The following WIF1 variants were observed in gnomAD, a reference collection of about 807,000 sequenced individuals.
WIF1 encodes the protein Wnt inhibitory factor 1.
In WIF1, 35 loss-of-function variants were observed where a neutral mutation model predicts 53.5. That is an observed-to-expected ratio of 0.65 (90% CI 0.50 to 0.87). The LOEUF (loss-of-function observed/expected upper bound fraction) is 0.87, where lower values mean the gene tolerates loss of function less well. Ranked by LOEUF, WIF1 falls within the 40% of genes least tolerant of loss-of-function variation. WIF1 has a pLI of 0.00. For synonymous variants in WIF1, 171 were observed against 170.4 expected, an observed-to-expected ratio of 1.00 and a Z score of -0.03; for missense variants, 467 against 476.8, an observed-to-expected ratio of 0.98 and a Z score of 0.19.
chr12:65,078,001 A>G, intron 2 of WIF1, 147 bp from the exon 3 acceptor site: 1 of 634,616 alleles, frequency 1.6e-6, no homozygotes. Context: ...GGGTAGGCAC[A>G]ACTCACCCTT....
chr12:65,089,867 G>T (rs1883097542), intron 2 of WIF1, among the ~76,000 whole-genome samples: 1 of 151,732 alleles, frequency 6.6e-6, no homozygotes, highest in Non-Finnish European at 1.5e-5. Flanking sequence ...CTTCCCCCTG[G>T]CCCCTACCCC....
intron 2 of WIF1, among the ~76,000 whole-genome samples, chr12:65,101,090 T>C (rs1202093743): frequency 1.3e-5 from 2 of 152,024 alleles, no homozygotes; most frequent in East Asian, 1.9e-4. Context: ...TAATTTATGA[T>C]GGAAAAATGT....
At chr12:65,078,447 G>A (rs989550430) in intron 2 of WIF1, among the ~76,000 whole-genome samples, 2 of 152,094 alleles carry the variant, frequency 1.3e-5, no homozygotes, top group African/African-American at 4.8e-5. Context: ...AATTCTCTTA[G>A]GGAAATAGGT....
intron 2 of WIF1, among the ~76,000 whole-genome samples, chr12:65,107,143 A>T (rs1382262407): frequency 2.6e-5 from 4 of 152,232 alleles, no homozygotes; most frequent in Non-Finnish European, 4.4e-5. Context: ...AAAATTCCAT[A>T]AAGAAGTAAC....
chr12:65,051,820 T>A (rs748045145), intron 9 of WIF1, among the ~76,000 whole-genome samples: 1 of 152,214 alleles, frequency 6.6e-6, no homozygotes, highest in Non-Finnish European at 1.5e-5. Flanking sequence ...GATTTGGTCG[T>A]TGATCCTTTT....
intron 3 of WIF1, among the ~76,000 whole-genome samples, chr12:65,070,919 A>G (rs1363323809): frequency 6.6e-6 from 1 of 152,128 alleles, no homozygotes. Flanking sequence ...AACAATTATT[A>G]GTTCTTCCAC....
rs543482734 is a variant in WIF1, at chr12:65,076,078, C to A, written c.397+1668G>T. ...GACTTTTTTCTTTTTTGCTCTGTTG[C>A]CCTGGCTGGAGTGCAGTGGTGCAAT... On this transcript the variant is annotated intron_variant, in intron 3 of 9. Coordinates refer to ENST00000286574, the MANE Select transcript of WIF1 (RefSeq NM_007191.5). 1.6e-3 allele frequency among the ~76,000 whole-genome samples: 241 copies of A among 152,108 alleles called. 3 individuals carry two copies. The highest frequency in any genetic ancestry group is 5.7e-3 in the African/African-American group (236 of 41,490).
At chr12:65,074,186 A>AT (rs545100153) in intron 3 of WIF1, among the ~76,000 whole-genome samples, 7 of 151,224 alleles carry the variant, frequency 4.6e-5, no homozygotes, top group Non-Finnish European at 5.9e-5. Flanking sequence ...TTATTTTTTT[A>AT]TTTTTTTTAT....
intron 2 of WIF1, among the ~76,000 whole-genome samples, chr12:65,088,741 C>G (rs868507777): frequency 3.3e-5 from 5 of 152,166 alleles, no homozygotes; most frequent in Admixed American, 6.5e-5. Flanking sequence ...CCTTCTCCTT[C>G]TCCAATCACT....
chr12:65,056,206 AG>A, intron 7 of WIF1, 80 bp from the exon 8 acceptor site: 1 of 1,306,734 alleles, frequency 7.7e-7, no homozygotes, highest in Non-Finnish European at 1.1e-6. Context: ...AGGAATTACA[AG>A]GCTTTGAGAG....
intron 7 of WIF1, 84 bp downstream of exon 7, chr12:65,062,397 G>A (rs765442330): frequency 2.0e-5 from 24 of 1,180,018 alleles, no homozygotes; most frequent in South Asian, 3.0e-5. Flanking sequence ...CTGGGCTTCC[G>A]ACTCCTCCTT....
intron 2 of WIF1, among the ~76,000 whole-genome samples, chr12:65,119,141 G>A (rs778086389): frequency 1.3e-5 from 2 of 152,180 alleles, no homozygotes; most frequent in Non-Finnish European, 2.9e-5. Flanking sequence ...CCATTCGTTG[G>A]TTTATTACTG....
chr12:65,063,121 A>T (rs1342764616), intron 6 of WIF1, among the ~76,000 whole-genome samples: 4 of 152,222 alleles, frequency 2.6e-5, no homozygotes, highest in Non-Finnish European at 1.5e-5. Context: ...AACTGTATTC[A>T]GAAAAAGACT....
chr12:65,099,834 T>C (rs1883254024), intron 2 of WIF1, among the ~76,000 whole-genome samples: 1 of 152,172 alleles, frequency 6.6e-6, no homozygotes, highest in African/African-American at 2.4e-5. Context: ...AAAAGTGCTG[T>C]TTTCCAGCCA....
intron 2 of WIF1, among the ~76,000 whole-genome samples, chr12:65,098,741 C>G (rs1275471481): frequency 2.6e-5 from 4 of 152,190 alleles, no homozygotes; most frequent in East Asian, 1.9e-4. Context: ...CTGTAGGCAA[C>G]TTTTTCTTTC....
intron 6 of WIF1, among the ~76,000 whole-genome samples, chr12:65,065,058 T>C (rs1438732762): frequency 6.6e-6 from 1 of 152,220 alleles, no homozygotes; most frequent in Non-Finnish European, 1.5e-5. Flanking sequence ...CACAGGCTGT[T>C]AATTCTTATT....
At chr12:65,086,702 TC>T (rs1277361326) in intron 2 of WIF1, among the ~76,000 whole-genome samples, 38 of 116,358 alleles carry the variant, frequency 3.3e-4, no homozygotes, top group African/African-American at 9.7e-4. Context: ...AGTGTTTCTT[TC>T]TTTTTTTTTT....
intron 6 of WIF1, among the ~76,000 whole-genome samples, chr12:65,063,638 A>T (rs1449401573): frequency 6.6e-6 from 1 of 152,078 alleles, no homozygotes; most frequent in East Asian, 1.9e-4. Context: ...AATTGTGTTT[A>T]AAATCACAAA....
At chr12:65,090,766 T>C (rs563442762) in intron 2 of WIF1, among the ~76,000 whole-genome samples, 55 of 152,270 alleles carry the variant, frequency 3.6e-4, no homozygotes, top group Admixed American at 3.5e-3. Context: ...AAATAATGCA[T>C]GTAAAGTAGG....
Sources: allele counts gnomAD v4.1 joint callset (sites outside exome capture counted in the v4.1 genomes callset), GRCh38; gene constraint gnomAD v4.1.1; transcripts MANE v1.5; gene names NCBI Gene and HGNC (gene_info 2026-07-23, HGNC 2026-07-21).